The following PCDHA12 variants were observed in gnomAD, a reference collection of about 807,000 sequenced individuals.
The protein encoded by PCDHA12 is protocadherin alpha 12, also known as protocadherin alpha-12.
Under a neutral mutation model 60.0 loss-of-function variants are expected in PCDHA12, and 44 were observed. The observed-to-expected ratio is 0.73, with a 90% CI of 0.58 to 0.94. The LOEUF (loss-of-function observed/expected upper bound fraction) is 0.94, where lower values mean the gene tolerates loss of function less well. PCDHA12 is among the 40% of genes least tolerant of loss of function. PCDHA12 has a pLI of 0.00. For missense variants in PCDHA12, 1,276 were observed against 1,239.7 expected (o/e 1.03, Z -0.44); for synonymous variants, 569 against 553.0 (o/e 1.03, Z -0.40).
At chr5:140,911,539 C>T (rs1554194791) in intron 1 of PCDHA12, among the ~76,000 whole-genome samples, 1 of 152,194 alleles carries the variant, frequency 6.6e-6, no homozygotes, top group African/African-American at 2.4e-5. Context: ...ATTAGAATCC[C>T]TAAGTTCATC....
chr5:140,923,155 A>G (rs1316496589), intron 1 of PCDHA12, among the ~76,000 whole-genome samples: 4 of 152,236 alleles, frequency 2.6e-5, no homozygotes, highest in Non-Finnish European at 5.9e-5. Context: ...AAAAAATTAT[A>G]GAAAGATAAA....
intron 1 of PCDHA12, among the ~76,000 whole-genome samples, chr5:140,972,018 A>G (rs2096514313): frequency 6.6e-6 from 1 of 152,162 alleles, no homozygotes; most frequent in Non-Finnish European, 1.5e-5. Flanking sequence ...TTTATATGGG[A>G]TATTCAGGCA....
intron 1 of PCDHA12, among the ~76,000 whole-genome samples, chr5:140,910,884 T>C (rs748501328): frequency 3.3e-5 from 5 of 152,254 alleles, no homozygotes; most frequent in Non-Finnish European, 7.3e-5. Flanking sequence ...ACCCTTAATA[T>C]CCATTCCTAT....
intron 1 of PCDHA12, among the ~76,000 whole-genome samples, chr5:140,959,938 G>T (rs937975013): frequency 6.6e-6 from 1 of 152,130 alleles, no homozygotes; most frequent in Non-Finnish European, 1.5e-5. Flanking sequence ...CATTACTTAG[G>T]CAGAATATCA....
intron 1 of PCDHA12, chr5:140,967,272 T>A: frequency 1.2e-6 from 2 of 1,613,412 alleles, no homozygotes; most frequent in Non-Finnish European, 1.7e-6. Context: ...CGCTTTCACA[T>A]AGAGAGTGCG....
At chr5:140,878,879 G>A (rs1315306611) in intron 1 of PCDHA12, among the ~76,000 whole-genome samples, 4 of 152,204 alleles carry the variant, frequency 2.6e-5, no homozygotes, top group Admixed American at 6.5e-5. Flanking sequence ...AGCCTTTCAA[G>A]TAGCTGAGAC....
intron 1 of PCDHA12, among the ~76,000 whole-genome samples, chr5:140,932,302 G>A (rs565143074): frequency 6.6e-6 from 1 of 151,800 alleles, no homozygotes; most frequent in African/African-American, 2.4e-5. Context: ...AATTTTTAAA[G>A]GTATAAATAT....
chr5:141,009,482 C>A, intron 3 of PCDHA12, 145 bp from the exon 4 acceptor site: 1 of 1,446,086 alleles, frequency 6.9e-7, no homozygotes, highest in Non-Finnish European at 9.1e-7. Flanking sequence ...TAAACACTTG[C>A]CTTGCCCTCA....
intron 1 of PCDHA12, among the ~76,000 whole-genome samples, chr5:140,970,958 C>T (rs1554232904): frequency 6.6e-6 from 1 of 152,106 alleles, no homozygotes; most frequent in Non-Finnish European, 1.5e-5. Context: ...CCATGGGAGG[C>T]AGATTGTAGA....
chr5:140,945,701 CA>C (rs1563215722), intron 1 of PCDHA12, among the ~76,000 whole-genome samples: 1 of 151,988 alleles, frequency 6.6e-6, no homozygotes, highest in Non-Finnish European at 1.5e-5. Context: ...CACTGATTTG[CA>C]ACAAAAGTAT....
At chr5:140,970,693 G>C (rs2096425356) in intron 1 of PCDHA12, among the ~76,000 whole-genome samples, 1 of 152,134 alleles carries the variant, frequency 6.6e-6, no homozygotes, top group South Asian at 2.1e-4. Flanking sequence ...AGGGCTTTTA[G>C]AGCTACTACA....
chr5:140,985,273 T>C (rs1554246915), intron 3 of PCDHA12, among the ~76,000 whole-genome samples: 1 of 152,178 alleles, frequency 6.6e-6, no homozygotes, highest in African/African-American at 2.4e-5. Context: ...GGACTACTTT[T>C]CTGCAATCTA....
intron 1 of PCDHA12, among the ~76,000 whole-genome samples, chr5:140,890,900 A>G (rs1554184581): frequency 6.6e-6 from 1 of 151,984 alleles, no homozygotes; most frequent in Admixed American, 6.6e-5. Flanking sequence ...TTGTCTTTCC[A>G]TGTTAGAATA....
At chr5:141,000,429 T>A (rs1327595966) in intron 3 of PCDHA12, among the ~76,000 whole-genome samples, 40 of 124,862 alleles carry the variant, frequency 3.2e-4, no homozygotes, top group African/African-American at 1.1e-3. Flanking sequence ...ATATTTTTTT[T>A]TTTTTTTTTT....
chr5:140,969,704 T>G (rs1317094729), intron 1 of PCDHA12, among the ~76,000 whole-genome samples: 10 of 152,172 alleles, frequency 6.6e-5, no homozygotes, highest in African/African-American at 2.4e-4. Flanking sequence ...TGCTGTATCA[T>G]CTACAGGGAA....
At chr5:140,878,586 C>T (rs1020008029) in intron 1 of PCDHA12, among the ~76,000 whole-genome samples, 9 of 152,164 alleles carry the variant, frequency 5.9e-5, no homozygotes, top group Non-Finnish European at 1.3e-4. Context: ...TGCCCTGTGC[C>T]TATTACCAAG....
chr5:140,958,546 C>A (rs1366018855), intron 1 of PCDHA12, among the ~76,000 whole-genome samples: 3 of 152,034 alleles, frequency 2.0e-5, no homozygotes, highest in Non-Finnish European at 4.4e-5. Context: ...ATTTATGAAC[C>A]AATAAATGTT....
At chr5:140,945,142 A>G (rs2093746990) in intron 1 of PCDHA12, among the ~76,000 whole-genome samples, 1 of 152,184 alleles carries the variant, frequency 6.6e-6, no homozygotes. Context: ...AATCAATAGC[A>G]TTTCTATACA....
At position 140,876,499 on chromosome 5, in the gene PCDHA12, G is replaced by A. The variant is rs781995151; in HGVS notation, c.1027G>A (p.Val343Met). ...CATGGTCCTGGTGGAAGTTCTGGAC[G>A]TGAATGACAATGTCCCTGAAGTAAT... ...HSMVLVEVLD[V>M]NDNVPEVMVT... Residue 343 changes from valine (V) to methionine (M), a missense_variant, in exon 1 of 4, where the codon GTG becomes ATG. Transcript: ENST00000398631. 5.0e-6 allele frequency: 8 copies of A among 1,613,910 alleles called. No homozygotes were observed. The Admixed American group carries it at 1.0e-4, about 20-fold the overall frequency.
Sources: gnomAD v4.1 joint callset for allele counts (sites outside exome capture counted in the v4.1 genomes callset) on GRCh38, gnomAD v4.1.1 for gene constraint, MANE v1.5 for transcripts, NCBI Gene and HGNC (gene_info 2026-07-23, HGNC 2026-07-21) for gene names.